Variants in CUL3 observed in about 807,000 individuals in gnomAD.
CUL3 encodes the protein cullin 3.
CUL3 carries 19 observed loss-of-function variants against 89.1 expected under a neutral mutation model. That is an observed-to-expected ratio of 0.21 (90% CI 0.15 to 0.31). The LOEUF (loss-of-function observed/expected upper bound fraction) is 0.31, where lower values mean the gene tolerates loss of function less well. CUL3 is among the 10% of genes least tolerant of loss of function. CUL3 has a pLI of 1.00. For missense variants in CUL3, 469 were observed against 942.3 expected (o/e 0.50, Z 6.58); for synonymous variants, 351 against 308.4 (o/e 1.14, Z -1.45).
chr2:224,581,495 T>C (rs1574712094), intron 1 of CUL3, among the ~76,000 whole-genome samples: 1 of 151,348 alleles, frequency 6.6e-6, no homozygotes, highest in Non-Finnish European at 1.5e-5. Flanking sequence ...TAAACATATA[T>C]AATTTTTCTT....
intron 3 of CUL3, among the ~76,000 whole-genome samples, chr2:224,517,682 G>A (rs1215779741): frequency 2.6e-5 from 4 of 152,052 alleles, no homozygotes; most frequent in African/African-American, 9.7e-5. Flanking sequence ...AAAACAAATA[G>A]TGTACTTATA....
Position 224,548,155 on chromosome 2 carries a change from C to T in CUL3, c.264+9504G>A, listed in dbSNP as rs560764632. Among the ~76,000 whole-genome samples the T allele has an allele frequency of 1.5e-4, 23 of 152,312 alleles. No homozygotes were observed. In the South Asian group the frequency reaches 4.8e-3, roughly 32 times the overall value. On this transcript the variant is annotated intron_variant, in intron 2 of 15. Coordinates refer to ENST00000264414, the MANE Select transcript of CUL3 (RefSeq NM_003590.5). ...CATGTCCCCTTCAAGGCTGCAATTT[C>T]CCCACTGGTAAAACAAAAGTGCTTA...
intron 13 of CUL3, among the ~76,000 whole-genome samples, chr2:224,491,080 T>A (rs1168204647): frequency 6.6e-6 from 1 of 152,204 alleles, no homozygotes; most frequent in Non-Finnish European, 1.5e-5. Context: ...CTAAGACCCA[T>A]CCCTTTTCAA....
rs4674914 is a variant in CUL3 at position 224,493,677 on chromosome 2, C to T, written c.1842+2155G>A. The stretch of plus-strand genomic sequence containing the variant: ...CAGTAACAGCTTTAAAAAATGAATT[C>T]GTATTTTTTATTATCCCATTATTTT... On this transcript the variant is annotated intron_variant, in intron 13 of 15. Coordinates refer to ENST00000264414, the MANE Select transcript of CUL3 (RefSeq NM_003590.5). Among the ~76,000 whole-genome samples, 1,262 of 152,238 alleles carry T rather than the reference C, an allele frequency of 8.3e-3. 10 individuals are homozygous for T. The highest frequency in any genetic ancestry group is 0.029 in the African/African-American group (1,199 of 41,546).
intron 13 of CUL3, among the ~76,000 whole-genome samples, chr2:224,487,443 C>CAAAAAAAAA (rs530054431): frequency 3.6e-5 from 1 of 28,064 alleles, no homozygotes; most frequent in African/African-American, 2.0e-4. Context: ...CCGCCCCCCC[C>CAAAAAAAAA]AAAAAAAAAA....
intron 2 of CUL3, among the ~76,000 whole-genome samples, chr2:224,554,614 A>G (rs1314611893): frequency 6.6e-6 from 1 of 152,236 alleles, no homozygotes; most frequent in Non-Finnish European, 1.5e-5. Context: ...CTTCATTTGT[A>G]AAACAGACAT....
At chr2:224,512,562 A>G (rs1209497815) in intron 5 of CUL3, among the ~76,000 whole-genome samples, 2 of 152,170 alleles carry the variant, frequency 1.3e-5, no homozygotes. Flanking sequence ...TCATCATTTC[A>G]TTACAGATTA....
Position 224,584,928 on chromosome 2 carries a change from C to G in CUL3, c.66+16G>C. 1 of 1,466,938 alleles carries G rather than the reference C, an allele frequency of 6.8e-7. No individual in the cohort carries two copies. The highest frequency in any genetic ancestry group is 2.0e-5 in the Admixed American group (1 of 49,002). 90.9% of individuals were successfully genotyped at this position (1,466,938 alleles called of 1,614,324 possible). Reference sequence around the variant, plus strand: ...GCCCCCGGCCCCGGGGTCCCGGACGCCGAGGAGAGACTCACCGGAAAGGCC... The same window carrying G: ...GCCCCCGGCCCCGGGGTCCCGGACGGCGAGGAGAGACTCACCGGAAAGGCC... On this transcript the variant is annotated intron_variant, in intron 1 of 15. Coordinates refer to ENST00000264414, the MANE Select transcript of CUL3 (RefSeq NM_003590.5).
At chr2:224,570,607 G>A (rs1259887205) in intron 1 of CUL3, among the ~76,000 whole-genome samples, 1 of 152,108 alleles carries the variant, frequency 6.6e-6, no homozygotes, top group African/African-American at 2.4e-5. Flanking sequence ...ACAGATGGGA[G>A]TGGGGGAGTG....
intron 3 of CUL3, among the ~76,000 whole-genome samples, chr2:224,515,474 G>A (rs1693004640): frequency 1.3e-5 from 2 of 152,026 alleles, no homozygotes; most frequent in South Asian, 2.1e-4. Context: ...TTCCTTTCTC[G>A]TCTCAGCAAG....
At chr2:224,581,076 A>T (rs971069186) in intron 1 of CUL3, among the ~76,000 whole-genome samples, 1 of 152,170 alleles carries the variant, frequency 6.6e-6, no homozygotes, top group Non-Finnish European at 1.5e-5. Context: ...AGTAGATCTT[A>T]CTTGTTCTCA....
At chr2:224,579,370 T>C (rs1342380473) in intron 1 of CUL3, among the ~76,000 whole-genome samples, 1 of 152,096 alleles carries the variant, frequency 6.6e-6, no homozygotes, top group Non-Finnish European at 1.5e-5. Context: ...TTCCTCTATG[T>C]ACCAGTCCAG....
chr2:224,495,733 CA>C, intron 13 of CUL3, 98 bp downstream of exon 13: 1 of 980,508 alleles, frequency 1.0e-6, no homozygotes, highest in Non-Finnish European at 1.5e-6. Context: ...TAAAAGTACC[CA>C]AAGAGACTCT....
intron 2 of CUL3, among the ~76,000 whole-genome samples, chr2:224,549,371 G>A (rs1444747187): frequency 2.0e-5 from 3 of 150,440 alleles, no homozygotes; most frequent in African/African-American, 7.3e-5. Context: ...CAAAACACAT[G>A]GCACAGGAAT....
rs1692171624 is a variant in CUL3 at position 224,496,336 on chromosome 2, C to G, written c.1708-370G>C. On this transcript the variant is annotated intron_variant, in intron 12 of 15. Transcript: ENST00000264414. ...TGAGCCACCACGCCTGACCAATTTT[C>G]TGGTAACTTTAATGGTATGTTTCAG... 2.0e-5 allele frequency among the ~76,000 whole-genome samples: 3 copies of G among 152,298 alleles called. No homozygotes were observed. In the South Asian group the frequency reaches 6.2e-4, roughly 32 times the overall value.
chr2:224,528,542 G>C (rs558509242), intron 3 of CUL3, among the ~76,000 whole-genome samples: 30 of 147,406 alleles, frequency 2.0e-4, no homozygotes, highest in African/African-American at 6.1e-4. Context: ...TTAGGGGGCT[G>C]GGGAGTAGCC....
chr2:224,548,286 A>T (rs13018489), intron 2 of CUL3, among the ~76,000 whole-genome samples: 28,892 of 152,178 alleles, frequency 0.19, 3,074 homozygotes, highest in South Asian at 0.27. Context: ...CTCACACCAG[A>T]GCCTTGCTCA....
intron 14 of CUL3, among the ~76,000 whole-genome samples, chr2:224,480,575 T>C (rs13012104): frequency 0.18 from 28,148 of 152,182 alleles, 2,956 homozygotes; most frequent in East Asian, 0.28. Flanking sequence ...TAAAAATCTA[T>C]GAAGACTTTT....
At position 224,582,479 on chromosome 2, in the gene CUL3, G is replaced by A. The variant is rs1367872923; in HGVS notation, c.66+2465C>T. Among the ~76,000 whole-genome samples the A allele has an allele frequency of 2.0e-5, 3 of 152,112 alleles. No homozygotes were observed. In the East Asian group the frequency reaches 5.8e-4, roughly 29 times the overall value. On this transcript the variant is annotated intron_variant, in intron 1 of 15. Coordinates refer to ENST00000264414, the MANE Select transcript of CUL3 (RefSeq NM_003590.5). ...ATAAACTGTAATAGTTCTTTCCAATGGGAATCACTTAGGAATGTTATTAAT... is the reference window on the plus strand; with the variant it reads ...ATAAACTGTAATAGTTCTTTCCAATAGGAATCACTTAGGAATGTTATTAAT...
Sources: allele counts gnomAD v4.1 joint callset (sites outside exome capture counted in the v4.1 genomes callset), GRCh38; gene constraint gnomAD v4.1.1; transcripts MANE v1.5; gene names NCBI Gene and HGNC (gene_info 2026-07-23, HGNC 2026-07-21).